Variants in ARID4B observed in about 807,000 individuals in gnomAD.
The protein encoded by ARID4B is AT-rich interaction domain 4B.
Under a neutral mutation model 147.5 loss-of-function variants are expected in ARID4B, and 26 were observed. That is an observed-to-expected ratio of 0.18 (90% confidence interval 0.13 to 0.24). ARID4B has a LOEUF of 0.24. Among genes scored for constraint, ARID4B ranks in the 10% least tolerant of loss-of-function variants. The pLI, the probability that ARID4B is intolerant of heterozygous loss-of-function variation, is 1.00. For synonymous variants in ARID4B, 512 were observed against 507.9 expected (o/e 1.01, Z -0.11); for missense variants, 1,179 against 1,511.5 (o/e 0.78, Z 3.65).
chr1:235,303,945 G>C (rs1182174663), intron 2 of ARID4B, among the ~76,000 whole-genome samples: 3 of 151,906 alleles, frequency 2.0e-5, no homozygotes, highest in African/African-American at 7.3e-5. Flanking sequence ...TTTTTTTTTG[G>C]CACATATAAA....
intron 16 of ARID4B, 141 bp downstream of exon 16, chr1:235,219,652 C>T (rs998313368): frequency 6.3e-6 from 4 of 637,450 alleles, no homozygotes; most frequent in South Asian, 2.5e-5. Context: ...GAAGTGAATG[C>T]TATTTAATTA....
At chr1:235,281,809 T>A (rs1671688903) in intron 2 of ARID4B, among the ~76,000 whole-genome samples, 1 of 152,328 alleles carries the variant, frequency 6.6e-6, no homozygotes, top group African/African-American at 2.4e-5. Context: ...GGCTGGTGAA[T>A]GTATTTTTAA....
At chr1:235,318,168 C>CT (rs372816686) in intron 2 of ARID4B, among the ~76,000 whole-genome samples, 2,018 of 111,988 alleles carry the variant, frequency 0.018, 188 homozygotes, top group African/African-American at 0.031. Context: ...CTTGCTACTC[C>CT]TTTTTTTTTT....
Position 235,229,219 on chromosome 1 carries a change from G to A in ARID4B, c.897+12C>T, listed in dbSNP as rs530546721. The A allele has an allele frequency of 3.1e-6, 5 of 1,607,236 alleles. No homozygotes were observed. The Admixed American group carries it at 8.6e-5, about 28-fold the overall frequency. ...TTTATAATTTTAAAAGGTATCAACT[G>A]TTTTCACTTACTTCTTCTTCACTGC... is the stretch of plus-strand genomic sequence containing the variant. On this transcript the variant is annotated intron_variant, in intron 11 of 23. Transcript: ENST00000264183.
intron 3 of ARID4B, among the ~76,000 whole-genome samples, chr1:235,259,485 T>C (rs1572097248): frequency 1.3e-5 from 2 of 152,248 alleles, no homozygotes; most frequent in East Asian, 3.8e-4. Flanking sequence ...GTGCTACCAG[T>C]AGTCCTGAAA....
intron 2 of ARID4B, among the ~76,000 whole-genome samples, chr1:235,263,412 T>C (rs1407312727): frequency 6.6e-6 from 1 of 152,194 alleles, no homozygotes; most frequent in East Asian, 1.9e-4. Context: ...TCATTAACAT[T>C]CACAGACACT....
intron 7 of ARID4B, among the ~76,000 whole-genome samples, chr1:235,242,802 T>C (rs950500902): frequency 7.2e-5 from 11 of 152,156 alleles, no homozygotes; most frequent in African/African-American, 2.2e-4. Flanking sequence ...CATATAAAAT[T>C]GCAAGGTTCC....
intron 2 of ARID4B, among the ~76,000 whole-genome samples, chr1:235,312,060 C>T (rs1478100869): frequency 2.0e-5 from 3 of 152,028 alleles, no homozygotes; most frequent in African/African-American, 7.2e-5. Flanking sequence ...GAGGCCGAGG[C>T]AGGCAAATCA....
chr1:235,272,995 A>G (rs935937876), intron 2 of ARID4B, among the ~76,000 whole-genome samples: 9 of 152,148 alleles, frequency 5.9e-5, no homozygotes, highest in Admixed American at 5.9e-4. Flanking sequence ...CACAAGTGGC[A>G]ATTTTGTTTG....
At chr1:235,178,771 C>A (rs1664065545) in intron 20 of ARID4B, among the ~76,000 whole-genome samples, 1 of 152,032 alleles carries the variant, frequency 6.6e-6, no homozygotes. Flanking sequence ...CAATGTCAGA[C>A]ACCAAATCAA....
chr1:235,187,762 G>A (rs928312797), intron 19 of ARID4B, among the ~76,000 whole-genome samples: 2 of 151,968 alleles, frequency 1.3e-5, no homozygotes, highest in African/African-American at 2.4e-5. Flanking sequence ...GGAAATATTT[G>A]AAATGTCTTC....
intron 8 of ARID4B, among the ~76,000 whole-genome samples, chr1:235,235,130 C>A (rs1668471480): frequency 6.6e-6 from 1 of 151,880 alleles, no homozygotes; most frequent in African/African-American, 2.4e-5. Flanking sequence ...GAAAGATGAA[C>A]AATAAGAGGA....
chr1:235,255,228 T>C (rs1277755806), intron 5 of ARID4B, among the ~76,000 whole-genome samples: 3 of 100,666 alleles, frequency 3.0e-5, no homozygotes, highest in Admixed American at 2.2e-4. Flanking sequence ...GCTAGATAGA[T>C]AGATAGATAG....
At chr1:235,285,809 A>T (rs1028258314) in intron 2 of ARID4B, among the ~76,000 whole-genome samples, 1 of 152,222 alleles carries the variant, frequency 6.6e-6, no homozygotes, top group African/African-American at 2.4e-5. Context: ...TCAGAAATTG[A>T]ATTTTTAAAA....
At chr1:235,174,909 T>A (rs1193927694) in intron 22 of ARID4B, among the ~76,000 whole-genome samples, 2 of 150,914 alleles carry the variant, frequency 1.3e-5, no homozygotes, top group African/African-American at 4.9e-5. Context: ...ATGGAGACCA[T>A]CCTGGCCAAC....
intron 17 of ARID4B, among the ~76,000 whole-genome samples, chr1:235,202,210 A>G (rs1040133242): frequency 4.6e-5 from 7 of 151,982 alleles, no homozygotes; most frequent in African/African-American, 1.7e-4. Flanking sequence ...AAAAAGAAAT[A>G]CTGAAATAAA....
At chr1:235,229,579 G>C (rs1668069798) in intron 10 of ARID4B, among the ~76,000 whole-genome samples, 194 bp from the exon 11 acceptor site, 1 of 152,162 alleles carries the variant, frequency 6.6e-6, no homozygotes, top group African/African-American at 2.4e-5. Flanking sequence ...CTATGCATTA[G>C]GTAGTCATTT....
At chr1:235,188,477 C>G (rs1571926983) in intron 19 of ARID4B, among the ~76,000 whole-genome samples, 1 of 152,294 alleles carries the variant, frequency 6.6e-6, no homozygotes, top group Middle Eastern at 3.4e-3. Context: ...CCCCACCTCA[C>G]TTCAGGTTGG....
At chr1:235,216,543 A>G (rs934484476) in intron 16 of ARID4B, among the ~76,000 whole-genome samples, 6 of 152,146 alleles carry the variant, frequency 3.9e-5, no homozygotes, top group African/African-American at 1.2e-4. Context: ...GGGTTTCACC[A>G]TGTTGGCCAG....
Sources: gnomAD v4.1 joint callset for allele counts (sites outside exome capture counted in the v4.1 genomes callset) on GRCh38, gnomAD v4.1.1 for gene constraint, MANE v1.5 for transcripts, NCBI Gene and HGNC (gene_info 2026-07-23, HGNC 2026-07-21) for gene names.